The following GRID1 variants were observed in gnomAD, a reference collection of about 807,000 sequenced individuals.
The protein encoded by GRID1 is glutamate receptor ionotropic, delta-1.
In GRID1, 28 loss-of-function variants were observed where a neutral mutation model predicts 98.0. The ratio of observed to expected loss-of-function variants is 0.29; its 90% confidence interval spans 0.21 to 0.39. GRID1 has a LOEUF of 0.39. Ranked by LOEUF, GRID1 falls within the 10% of genes least tolerant of loss-of-function variation. The probability of loss-of-function intolerance (pLI) is 1.00; values close to 1 mark genes in which losing one functional copy is unlikely to be tolerated. For synonymous variants in GRID1, 553 were observed against 538.5 expected (o/e 1.03, Z -0.37); for missense variants, 1,111 against 1,340.5 (o/e 0.83, Z 2.67).
At chr10:85,910,399 AT>A (rs545501286) in intron 5 of GRID1, among the ~76,000 whole-genome samples, 114 of 152,142 alleles carry the variant, frequency 7.5e-4, no homozygotes, top group African/African-American at 2.7e-3. Flanking sequence ...GCATAATCTT[AT>A]TTTCATTTGT....
chr10:85,901,346 A>C (rs1841384400), intron 5 of GRID1, among the ~76,000 whole-genome samples: 1 of 151,882 alleles, frequency 6.6e-6, no homozygotes, highest in Non-Finnish European at 1.5e-5. Flanking sequence ...TCATGGGTTC[A>C]CGCCATTCTC....
intron 2 of GRID1, among the ~76,000 whole-genome samples, chr10:86,350,181 A>AGTGGCGGCTAAGACACAGG (rs1174285859): frequency 6.6e-6 from 1 of 152,238 alleles, no homozygotes; most frequent in Non-Finnish European, 1.5e-5. Flanking sequence ...GGTCAAGAGA[A>AGTGGCGGCTAAGACACAGG]GTGGCGGCTA....
At chr10:85,946,829 G>T (rs1268410543) in intron 4 of GRID1, among the ~76,000 whole-genome samples, 1 of 152,202 alleles carries the variant, frequency 6.6e-6, no homozygotes, top group Admixed American at 6.5e-5. Flanking sequence ...ACACTCCCCA[G>T]TGTGGCCTGT....
chr10:86,333,285 C>G (rs2132104253), intron 2 of GRID1, among the ~76,000 whole-genome samples: 1 of 152,348 alleles, frequency 6.6e-6, no homozygotes, highest in South Asian at 2.1e-4. Flanking sequence ...AAGTGTCTTT[C>G]AGGAAGCCTT....
chr10:85,843,547 G>T (rs964520985), intron 8 of GRID1, among the ~76,000 whole-genome samples: 1 of 151,938 alleles, frequency 6.6e-6, no homozygotes, highest in Admixed American at 6.6e-5. Context: ...TCCAATAAGA[G>T]ACTAGTATCT....
intron 3 of GRID1, among the ~76,000 whole-genome samples, chr10:86,205,326 C>T (rs183254226): frequency 6.6e-6 from 1 of 152,374 alleles, no homozygotes; most frequent in Admixed American, 6.5e-5. Flanking sequence ...CCTCATCAGT[C>T]TCCCACACCC....
At chr10:86,069,458 C>A (rs1175658972) in intron 4 of GRID1, among the ~76,000 whole-genome samples, 1 of 152,134 alleles carries the variant, frequency 6.6e-6, no homozygotes, top group Non-Finnish European at 1.5e-5. Flanking sequence ...ACCACCCTGG[C>A]TAACACGGTG....
chr10:86,130,801 G>A (rs150262872), intron 4 of GRID1, among the ~76,000 whole-genome samples: 11 of 152,306 alleles, frequency 7.2e-5, no homozygotes, highest in Admixed American at 2.0e-4. Context: ...TAAGCCATCT[G>A]CAGATGGCAG....
At chr10:86,313,756 C>G (rs1055244115) in intron 2 of GRID1, among the ~76,000 whole-genome samples, 3 of 152,220 alleles carry the variant, frequency 2.0e-5, no homozygotes, top group Non-Finnish European at 4.4e-5. Flanking sequence ...GAGAGCTGGG[C>G]TGCACCCTGC....
intron 2 of GRID1, among the ~76,000 whole-genome samples, chr10:86,358,373 AG>A (rs1848560294): frequency 6.6e-6 from 1 of 152,132 alleles, no homozygotes; most frequent in South Asian, 2.1e-4. Flanking sequence ...TGGCCCTCAA[AG>A]ATGTCTACAT....
At chr10:86,102,101 C>T (rs374121141) in intron 4 of GRID1, among the ~76,000 whole-genome samples, 25 of 152,360 alleles carry the variant, frequency 1.6e-4, no homozygotes, top group East Asian at 3.9e-4. Flanking sequence ...GAAGTGTGTT[C>T]GCCCTGCTTT....
chr10:85,850,076 C>A (rs1004973346), intron 8 of GRID1, among the ~76,000 whole-genome samples: 1 of 152,192 alleles, frequency 6.6e-6, no homozygotes, highest in Non-Finnish European at 1.5e-5. Context: ...CCAAGGACAG[C>A]TGCTGCCCTC....
chr10:85,678,394 T>C (rs1841169507), intron 12 of GRID1, among the ~76,000 whole-genome samples: 1 of 152,172 alleles, frequency 6.6e-6, no homozygotes, highest in Non-Finnish European at 1.5e-5. Flanking sequence ...TCAAAGAGAA[T>C]TCTAGCTCTG....
At chr10:86,095,051 A>T (rs1478383868) in intron 4 of GRID1, among the ~76,000 whole-genome samples, 1 of 152,230 alleles carries the variant, frequency 6.6e-6, no homozygotes, top group Non-Finnish European at 1.5e-5. Context: ...AAATACTCAC[A>T]GCCAACTGAT....
chr10:86,230,111 C>T (rs926364765), intron 2 of GRID1, among the ~76,000 whole-genome samples: 3 of 152,210 alleles, frequency 2.0e-5, no homozygotes, highest in Admixed American at 1.3e-4. Context: ...GCCCTCCTGC[C>T]TATGGTGACC....
intron 4 of GRID1, among the ~76,000 whole-genome samples, chr10:85,932,719 A>G (rs2131833440): frequency 6.6e-6 from 1 of 152,348 alleles, no homozygotes; most frequent in South Asian, 2.1e-4. Context: ...TCAGAAGTCA[A>G]TAAATTCTCC....
Position 85,694,568 on chromosome 10 carries a change from AT to A in GRID1, c.1997+28434del, listed in dbSNP as rs1564562104. On this transcript the variant is annotated intron_variant, in intron 12 of 15. Coordinates refer to ENST00000327946, the MANE Select transcript of GRID1 (RefSeq NM_017551.3). ...GTGGTGTGTATATATATATATATAT[AT>A]ATATATATATATATATATATATATA... 4.5e-4 allele frequency among the ~76,000 whole-genome samples: 17 copies of A among 37,990 alleles called. 3 individuals are homozygous for A. Among genetic ancestry groups the A allele is most frequent in the Non-Finnish European group, 5.9e-4 (12 of 20,200 alleles). 24.9% of individuals were successfully genotyped at this position (37,990 alleles called of 152,430 possible).
At chr10:86,002,360 T>G (rs2131875631) in intron 4 of GRID1, among the ~76,000 whole-genome samples, 1 of 152,346 alleles carries the variant, frequency 6.6e-6, no homozygotes. Context: ...TATCCTGAAT[T>G]GCATTTTTTT....
At chr10:85,703,318 T>C (rs1841474502) in intron 12 of GRID1, among the ~76,000 whole-genome samples, 1 of 152,000 alleles carries the variant, frequency 6.6e-6, no homozygotes, top group African/African-American at 2.4e-5. Context: ...AGCGGCTAAA[T>C]CATAGTATAA....
Sources: gnomAD v4.1 joint callset for allele counts (sites outside exome capture counted in the v4.1 genomes callset) on GRCh38, gnomAD v4.1.1 for gene constraint, MANE v1.5 for transcripts, NCBI Gene and HGNC (gene_info 2026-07-23, HGNC 2026-07-21) for gene names.